BCKDHB: variants seen among roughly 807,000 people sequenced by gnomAD.
BCKDHB encodes 2-oxoisovalerate dehydrogenase subunit beta, mitochondrial.
Under a neutral mutation model 48.5 loss-of-function variants are expected in BCKDHB, and 41 were observed. The observed-to-expected ratio is 0.85, with a 90% CI of 0.66 to 1.10. The LOEUF is 1.10. Ranked by LOEUF, BCKDHB falls within the 50% of genes least tolerant of loss-of-function variation. The pLI is 0.00. For missense variants in BCKDHB, 496 were observed against 494.2 expected, an observed-to-expected ratio of 1.00 and a Z score of -0.03; for synonymous variants, 201 against 174.8, an observed-to-expected ratio of 1.15 and a Z score of -1.18.
rs151168364 is a variant in BCKDHB at position 80,333,917 on chromosome 6, A to G, written c.1039-9747A>G. Among the ~76,000 whole-genome samples the G allele has an allele frequency of 1.2e-3, 180 of 152,238 alleles. 1 individual carries two copies. The highest frequency in any genetic ancestry group is 4.1e-3 in the African/African-American group (171 of 41,540). On this transcript the variant is annotated intron_variant, in intron 9 of 9. Coordinates refer to ENST00000320393, the MANE Select transcript of BCKDHB (RefSeq NM_183050.4). ...TCTTCATTAATGGATCAATGGTTTT[A>G]TCAGATTTATTAGAAATTTGTCTAT... is the stretch of plus-strand genomic sequence containing the variant.
At chr6:80,302,606 T>A (rs556160518) in intron 9 of BCKDHB, among the ~76,000 whole-genome samples, 67 of 152,298 alleles carry the variant, frequency 4.4e-4, no homozygotes, top group African/African-American at 1.5e-3. Context: ...AAGTGTTTTC[T>A]AATAAAACAA....
chr6:80,327,712 T>C (rs2128006612), intron 9 of BCKDHB, among the ~76,000 whole-genome samples: 1 of 152,330 alleles, frequency 6.6e-6, no homozygotes, highest in Middle Eastern at 3.4e-3. Flanking sequence ...CCATTTTGTT[T>C]ATGGTGGTAA....
At chr6:80,328,716 C>T (rs1332020041) in intron 9 of BCKDHB, among the ~76,000 whole-genome samples, 1 of 152,008 alleles carries the variant, frequency 6.6e-6, no homozygotes, top group African/African-American at 2.4e-5. Flanking sequence ...TTGCAATTAC[C>T]CCAAGTTGCT....
At chr6:80,226,851 G>A (rs1048651181) in intron 8 of BCKDHB, among the ~76,000 whole-genome samples, 11 of 152,132 alleles carry the variant, frequency 7.2e-5, no homozygotes, top group South Asian at 2.1e-4. Context: ...GCTATAAGTC[G>A]GACTCCGTAG....
At chr6:80,446,252 A>G in the BCKDHB span, among the ~76,000 whole-genome samples, 2 of 152,218 alleles carry the variant, frequency 1.3e-5, no homozygotes, top group African/African-American at 4.8e-5. Flanking sequence ...TAGTTATACA[A>G]CTGCCAGAGA....
intron 3 of BCKDHB, among the ~76,000 whole-genome samples, chr6:80,160,542 C>T (rs1374752439): frequency 6.6e-6 from 1 of 152,134 alleles, no homozygotes; most frequent in Non-Finnish European, 1.5e-5. Flanking sequence ...GAATAGGGTT[C>T]ACTGGTGGAC....
At chr6:80,424,899 C>T in the BCKDHB span, among the ~76,000 whole-genome samples, 494 of 152,240 alleles carry the variant, frequency 3.2e-3, 5 homozygotes, top group East Asian at 0.013. Context: ...GAATAGAGAG[C>T]GGAAAAGAGT....
chr6:80,359,578 G>A, the BCKDHB span, among the ~76,000 whole-genome samples: 4 of 150,440 alleles, frequency 2.7e-5, no homozygotes, highest in East Asian at 3.9e-4. Context: ...GGCTTAATAC[G>A]CTTGTTTCTT....
intron 3 of BCKDHB, among the ~76,000 whole-genome samples, chr6:80,140,453 C>A (rs931047700): frequency 6.7e-6 from 1 of 150,264 alleles, no homozygotes; most frequent in African/African-American, 2.5e-5. Flanking sequence ...TCATCGATAG[C>A]TCTTATTATT....
chr6:80,254,461 C>T (rs551851730), intron 8 of BCKDHB, among the ~76,000 whole-genome samples: 3 of 151,888 alleles, frequency 2.0e-5, no homozygotes, highest in South Asian at 4.2e-4. Flanking sequence ...TTTGAGAGGC[C>T]GAAGCAGGAG....
At chr6:80,195,735 A>G (rs1294730239) in intron 6 of BCKDHB, among the ~76,000 whole-genome samples, 1 of 152,120 alleles carries the variant, frequency 6.6e-6, no homozygotes, top group Non-Finnish European at 1.5e-5. Context: ...AGAGATGACC[A>G]AACTCATTAG....
downstream of BCKDHB, among the ~76,000 whole-genome samples, chr6:80,348,758 C>T (rs1393293290): frequency 6.6e-6 from 1 of 152,056 alleles, no homozygotes; most frequent in Non-Finnish European, 1.5e-5. Flanking sequence ...AACATGACCC[C>T]AAAAAAGTCA....
At chr6:80,179,102 A>G (rs1488171888) in intron 6 of BCKDHB, among the ~76,000 whole-genome samples, 1 of 152,106 alleles carries the variant, frequency 6.6e-6, no homozygotes, top group Non-Finnish European at 1.5e-5. Flanking sequence ...AGCTCATGGC[A>G]TCCTCAAGCT....
chr6:80,338,636 C>T (rs2128015783), intron 9 of BCKDHB, among the ~76,000 whole-genome samples: 1 of 152,230 alleles, frequency 6.6e-6, no homozygotes, highest in East Asian at 1.9e-4. Flanking sequence ...CAGGTTTGAC[C>T]GTTCTGTGTA....
rs142617860 is a variant in BCKDHB at position 80,239,053 on chromosome 6, A to G, written c.952-34082A>G. On this transcript the variant is annotated intron_variant, in intron 8 of 9. Transcript: ENST00000320393. The stretch of plus-strand genomic sequence containing the variant: ...CTTTGCTATTGTGAATAATGCTGCA[A>G]TGAACATACGTGTGCATGTGTCTTT... Among the ~76,000 whole-genome samples the G allele has an allele frequency of 4.6e-3, 697 of 152,324 alleles. 6 individuals are homozygous for G. Among genetic ancestry groups the G allele is most frequent in the African/African-American group, 0.016 (655 of 41,558 alleles).
At chr6:80,306,000 G>A (rs887877498) in intron 9 of BCKDHB, among the ~76,000 whole-genome samples, 1 of 152,144 alleles carries the variant, frequency 6.6e-6, no homozygotes, top group Non-Finnish European at 1.5e-5. Context: ...CTCTGCTTCA[G>A]TTTTCTCATC....
the BCKDHB span, among the ~76,000 whole-genome samples, chr6:80,406,160 C>G: frequency 1.3e-5 from 2 of 152,156 alleles, no homozygotes; most frequent in African/African-American, 4.8e-5. Context: ...TGAATTCATG[C>G]TTTTTCATGG....
the BCKDHB span, among the ~76,000 whole-genome samples, chr6:80,419,881 TC>T: frequency 6.6e-6 from 1 of 152,234 alleles, no homozygotes; most frequent in Non-Finnish European, 1.5e-5. Context: ...AAATGATCTA[TC>T]TTTGAATATG....
the BCKDHB span, among the ~76,000 whole-genome samples, chr6:80,381,107 T>G: frequency 1.3e-5 from 2 of 152,032 alleles, no homozygotes; most frequent in Non-Finnish European, 2.9e-5. Flanking sequence ...TTTGCTGCCT[T>G]TCTTAGATGC....
Sources: allele counts gnomAD v4.1 joint callset (sites outside exome capture counted in the v4.1 genomes callset), GRCh38; gene constraint gnomAD v4.1.1; transcripts MANE v1.5; gene names NCBI Gene and HGNC (gene_info 2026-07-23, HGNC 2026-07-21).